ANO1: variants seen among roughly 807,000 people sequenced by gnomAD.
The protein encoded by ANO1 is anoctamin-1.
In ANO1, 59 loss-of-function variants were observed where a neutral mutation model predicts 124.0. The observed-to-expected ratio is 0.48, with a 90% CI of 0.39 to 0.59. ANO1 has a LOEUF of 0.59. ANO1 is among the 20% of genes least tolerant of loss of function. The probability of loss-of-function intolerance (pLI) is 0.00; values close to 1 mark genes in which losing one functional copy is unlikely to be tolerated. For synonymous variants in ANO1, 529 were observed against 532.0 expected (o/e 0.99, Z 0.08); for missense variants, 1,059 against 1,328.0 (o/e 0.80, Z 3.15).
chr11:70,126,280 T>C, intron 10 of ANO1, 85 bp downstream of exon 10: 2 of 1,473,894 alleles, frequency 1.4e-6, no homozygotes, highest in Non-Finnish European at 9.1e-7. Context: ...ATTGGGACAC[T>C]GGCCTCTCAC....
chr11:70,130,331 G>A (rs2046701375), intron 10 of ANO1, among the ~76,000 whole-genome samples: 1 of 152,202 alleles, frequency 6.6e-6, no homozygotes, highest in Non-Finnish European at 1.5e-5. Flanking sequence ...GTAGTCAGTT[G>A]AGGGCCCAGT....
At chr11:70,054,470 T>C (rs1487174402) in intron 1 of ANO1, among the ~76,000 whole-genome samples, 2 of 152,232 alleles carry the variant, frequency 1.3e-5, no homozygotes, top group Non-Finnish European at 2.9e-5. Flanking sequence ...CCCCACCACC[T>C]CAGCTGCTGG....
the ANO1 span, among the ~76,000 whole-genome samples, chr11:69,975,909 T>A: frequency 6.6e-6 from 1 of 152,182 alleles, no homozygotes. Flanking sequence ...AAAACACTCA[T>A]GTACCATGCT....
At chr11:70,007,352 C>T (rs1404972166) in intron 1 of ANO1, among the ~76,000 whole-genome samples, 3 of 150,974 alleles carry the variant, frequency 2.0e-5, no homozygotes, top group Admixed American at 6.6e-5. Context: ...TCTCAGCTCA[C>T]GGCAAGCTCC....
the ANO1 span, among the ~76,000 whole-genome samples, chr11:69,974,518 T>G: frequency 1.1e-4 from 17 of 152,210 alleles, no homozygotes; most frequent in South Asian, 2.1e-4. Context: ...CCAAGACGGC[T>G]GAGCTGGTTC....
At chr11:70,079,599 G>A (rs2044143430) in intron 1 of ANO1, among the ~76,000 whole-genome samples, 1 of 152,154 alleles carries the variant, frequency 6.6e-6, no homozygotes, top group Non-Finnish European at 1.5e-5. Flanking sequence ...TCCTCTTGGG[G>A]TGAGGGAAGC....
At chr11:70,088,106 GT>G in intron 2 of ANO1, 22 bp downstream of exon 2, 1 of 315,032 alleles carries the variant, frequency 3.2e-6, no homozygotes, top group Non-Finnish European at 4.4e-6. Context: ...ACTGCGCGCT[GT>G]TTGTGGGGGG....
chr11:70,157,210 A>G (rs2047850604), intron 16 of ANO1, among the ~76,000 whole-genome samples, 189 bp downstream of exon 16: 1 of 151,970 alleles, frequency 6.6e-6, no homozygotes, highest in Admixed American at 6.6e-5. Flanking sequence ...CTTACTAAAA[A>G]TGCAAAAATT....
At chr11:70,157,558 G>T (rs1325201347) in intron 16 of ANO1, among the ~76,000 whole-genome samples, 1 of 152,078 alleles carries the variant, frequency 6.6e-6, no homozygotes, top group African/African-American at 2.4e-5. Flanking sequence ...GGCTTCACAC[G>T]CCAGGGAGTA....
At chr11:70,063,948 G>A (rs1227124081) in intron 1 of ANO1, 1 of 152,128 alleles carries the variant, frequency 6.6e-6, no homozygotes, top group South Asian at 2.1e-4. Flanking sequence ...TCAGACTTCT[G>A]GAGTGGATTC....
intron 21 of ANO1, chr11:70,170,057 G>A (rs1425792635): frequency 1.2e-5 from 5 of 419,162 alleles, no homozygotes; most frequent in South Asian, 8.6e-5. Flanking sequence ...TCCCCAGGGG[G>A]AGGGCCGCAG....
At position 70,165,691 on chromosome 11, in the gene ANO1, A is replaced by G. The variant is rs377272467; in HGVS notation, c.2051+121A>G. On this transcript the variant is annotated intron_variant, in intron 20 of 25. Coordinates refer to ENST00000355303, the MANE Select transcript of ANO1 (RefSeq NM_018043.7). Reference sequence around the variant, plus strand: ...CAACCAAGATGGGGGCACTAGAAGCAGGGAGAGAAGGAGGACACAGAGGGA... The same window carrying G: ...CAACCAAGATGGGGGCACTAGAAGCGGGGAGAGAAGGAGGACACAGAGGGA... 728 of 781,198 alleles carry G rather than the reference A, an allele frequency of 9.3e-4. 4 individuals carry two copies. In the South Asian group the frequency reaches 0.012, roughly 13 times the overall value. 48.4% of individuals were successfully genotyped at this position (781,198 alleles called of 1,614,324 possible). A position where few individuals can be genotyped will look rare whatever the true frequency, so the allele number is the denominator to read the frequency against.
At chr11:70,171,908 C>T (rs946226674) in intron 22 of ANO1, among the ~76,000 whole-genome samples, 4 of 152,106 alleles carry the variant, frequency 2.6e-5, no homozygotes, top group Non-Finnish European at 5.9e-5. Flanking sequence ...GTTGTGGCTG[C>T]AGTGAGCCAT....
intron 19 of ANO1, 183 bp from the exon 20 acceptor site, chr11:70,165,287 C>G: frequency 1.6e-6 from 1 of 608,952 alleles, no homozygotes; most frequent in Non-Finnish European, 2.9e-6. Context: ...CCTGACTTGA[C>G]TACATTTGCA....
intron 11 of ANO1, among the ~76,000 whole-genome samples, chr11:70,148,125 G>A (rs2047452673): frequency 6.6e-6 from 1 of 152,088 alleles, no homozygotes; most frequent in Admixed American, 6.6e-5. Context: ...CATGACTTTC[G>A]TTCTTTCCTG....
intron 1 of ANO1, among the ~76,000 whole-genome samples, chr11:69,994,414 G>A (rs782751895): frequency 2.6e-5 from 4 of 151,954 alleles, no homozygotes; most frequent in Non-Finnish European, 4.4e-5. Flanking sequence ...ATAGATGGAC[G>A]GATGGATGAA....
chr11:70,089,151 C>A (rs574606400), intron 2 of ANO1, among the ~76,000 whole-genome samples: 3 of 152,274 alleles, frequency 2.0e-5, no homozygotes, highest in Non-Finnish European at 2.9e-5. Context: ...AGGGCCCCAG[C>A]CTACAGAGCC....
chr11:70,161,687 G>C lies in ANO1; in HGVS notation c.1846G>C (p.Val616Leu). The C allele has an allele frequency of 6.2e-7, 1 of 1,614,032 alleles. No individual in the cohort carries two copies. The highest frequency in any genetic ancestry group is 8.5e-7 in the Non-Finnish European group (1 of 1,179,894). The change falls in exon 18 of 26, where the codon GTG (valine) becomes CTG (leucine). Residue 616 changes from valine to leucine, a missense_variant. Transcript: ENST00000355303. ...LIFKAFLLKF[V>L]NSYTPIFYVA... ...CTTCAAGGCTTTCCTGCTGAAGTTT[G>C]TGAATTCCTACACCCCCATCTTTTA...
chr11:70,122,687 T>A (rs2046343259), intron 8 of ANO1, among the ~76,000 whole-genome samples: 1 of 150,080 alleles, frequency 6.7e-6, no homozygotes, highest in Non-Finnish European at 1.5e-5. Flanking sequence ...TCTCTCCCTC[T>A]CCCCTACCTC....
Sources: allele counts gnomAD v4.1 joint callset (sites outside exome capture counted in the v4.1 genomes callset), GRCh38; gene constraint gnomAD v4.1.1; transcripts MANE v1.5; gene names NCBI Gene and HGNC (gene_info 2026-07-23, HGNC 2026-07-21).